The following UNC5D variants were observed in gnomAD, a reference collection of about 807,000 sequenced individuals.
The protein encoded by UNC5D is unc-5 netrin receptor D.
A neutral mutation model predicts 105.4 loss-of-function variants in UNC5D; 39 were observed. That is an observed-to-expected ratio of 0.37 (90% CI 0.29 to 0.48). UNC5D has a LOEUF of 0.48. UNC5D is among the 20% of genes least tolerant of loss of function. The probability of loss-of-function intolerance (pLI) is 0.98; values close to 1 mark genes in which losing one functional copy is unlikely to be tolerated. For missense variants in UNC5D, 991 were observed against 1,202.4 expected (o/e 0.82, Z 2.60); for synonymous variants, 452 against 450.4 (o/e 1.00, Z -0.04).
At chr8:35,252,468 A>G (rs1803773898) in intron 1 of UNC5D, among the ~76,000 whole-genome samples, 1 of 152,144 alleles carries the variant, frequency 6.6e-6, no homozygotes, top group African/African-American at 2.4e-5. Flanking sequence ...ACTCCTAAAC[A>G]TAGGTTACTT....
intron 13 of UNC5D, among the ~76,000 whole-genome samples, chr8:35,754,277 C>T (rs1830414606): frequency 6.6e-6 from 1 of 152,174 alleles, no homozygotes; most frequent in Non-Finnish European, 1.5e-5. Flanking sequence ...TGGAGCATTT[C>T]TGCAGAAATT....
intron 4 of UNC5D, among the ~76,000 whole-genome samples, chr8:35,682,177 C>T (rs1237529108): frequency 1.3e-5 from 2 of 152,180 alleles, no homozygotes; most frequent in Non-Finnish European, 2.9e-5. Context: ...GTTGGTCAGG[C>T]TGGTTTCCAA....
chr8:35,595,530 C>A, intron 3 of UNC5D, 24 bp from the exon 4 acceptor site: 3 of 1,607,210 alleles, frequency 1.9e-6, no homozygotes, highest in African/African-American at 1.3e-5. Flanking sequence ...AACAAAGTGT[C>A]ACCTATCTCA....
intron 1 of UNC5D, among the ~76,000 whole-genome samples, chr8:35,397,128 A>C (rs1804157194): frequency 6.6e-6 from 1 of 151,046 alleles, no homozygotes; most frequent in Admixed American, 6.6e-5. Context: ...CTGGTCTTGA[A>C]CTCCTGACCT....
chr8:35,345,337 G>GA (rs777977990), intron 1 of UNC5D, among the ~76,000 whole-genome samples: 35 of 151,536 alleles, frequency 2.3e-4, no homozygotes, highest in African/African-American at 4.3e-4. Context: ...CAGAAATGTG[G>GA]AAAAAAAAGT....
intron 1 of UNC5D, among the ~76,000 whole-genome samples, chr8:35,542,538 T>G (rs933024574): frequency 6.6e-6 from 1 of 152,232 alleles, no homozygotes; most frequent in African/African-American, 2.4e-5. Context: ...TATTAACTAC[T>G]TGCCTATTAA....
In UNC5D at chr8:35,761,761, T is replaced by C. The variant is rs138824904; in HGVS notation, c.2313+2292T>C. 5.0e-3 allele frequency among the ~76,000 whole-genome samples: 758 copies of C among 152,290 alleles called. 3 individuals are homozygous for C. The highest frequency in any genetic ancestry group is 7.0e-3 in the Non-Finnish European group (476 of 68,034). ...ACCAATTTCCTTGCCCTTCTCATCA[T>C]TGAAATCCCTCAGCTTGTGTGAATG... On this transcript the variant is annotated intron_variant, in intron 14 of 16. Transcript: ENST00000404895.
chr8:35,304,477 C>T (rs1211435676), intron 1 of UNC5D, among the ~76,000 whole-genome samples: 1 of 152,004 alleles, frequency 6.6e-6, no homozygotes, highest in African/African-American at 2.4e-5. Flanking sequence ...ATAACTTAAT[C>T]TATGTCAGAC....
chr8:35,709,582 C>T (rs987726145), intron 8 of UNC5D, among the ~76,000 whole-genome samples: 5 of 151,890 alleles, frequency 3.3e-5, no homozygotes, highest in Non-Finnish European at 5.9e-5. Flanking sequence ...CCCAGCTACT[C>T]GGGAGGCTGA....
intron 4 of UNC5D, among the ~76,000 whole-genome samples, chr8:35,642,164 C>A (rs1243332971): frequency 6.6e-6 from 1 of 152,112 alleles, no homozygotes; most frequent in Non-Finnish European, 1.5e-5. Context: ...ATGAAAGCAG[C>A]AAATCTTAAT....
intron 1 of UNC5D, among the ~76,000 whole-genome samples, chr8:35,240,337 A>C (rs1047822071): frequency 2.0e-5 from 3 of 152,178 alleles, no homozygotes; most frequent in African/African-American, 4.8e-5. Flanking sequence ...CCTGTTCCTT[A>C]AAATAATAAA....
intron 10 of UNC5D, among the ~76,000 whole-genome samples, chr8:35,728,488 G>A (rs1049144490): frequency 6.6e-6 from 1 of 152,186 alleles, no homozygotes; most frequent in Admixed American, 6.5e-5. Flanking sequence ...GTTTCTCCTT[G>A]AAATGGGGCA....
chr8:35,280,295 T>C (rs980647171), intron 1 of UNC5D, among the ~76,000 whole-genome samples: 10 of 152,166 alleles, frequency 6.6e-5, no homozygotes, highest in Non-Finnish European at 4.4e-5. Flanking sequence ...CTTTTCTTTA[T>C]TGAGGTGGAT....
At chr8:35,636,399 G>C (rs1220684078) in intron 4 of UNC5D, among the ~76,000 whole-genome samples, 1 of 152,162 alleles carries the variant, frequency 6.6e-6, no homozygotes, top group African/African-American at 2.4e-5. Flanking sequence ...AGGCTATCCT[G>C]TGAATTATGG....
intron 1 of UNC5D, among the ~76,000 whole-genome samples, chr8:35,326,420 C>G (rs145314484): frequency 6.6e-6 from 1 of 152,012 alleles, no homozygotes; most frequent in East Asian, 1.9e-4. Context: ...GTAAAGAAGC[C>G]GAAAATTCAC....
chr8:35,766,520 A>G (rs1026852713), intron 14 of UNC5D, among the ~76,000 whole-genome samples: 1 of 152,224 alleles, frequency 6.6e-6, no homozygotes, highest in Non-Finnish European at 1.5e-5. Flanking sequence ...ATCCTACCCC[A>G]GACCGAAGTA....
intron 1 of UNC5D, among the ~76,000 whole-genome samples, chr8:35,361,101 G>A (rs1801829621): frequency 6.6e-6 from 1 of 152,008 alleles, no homozygotes; most frequent in African/African-American, 2.4e-5. Context: ...TGTGATAATG[G>A]TATGTGGATG....
intron 3 of UNC5D, among the ~76,000 whole-genome samples, chr8:35,575,895 T>G (rs1333445608): frequency 2.0e-5 from 3 of 151,392 alleles, no homozygotes; most frequent in Non-Finnish European, 2.9e-5. Context: ...AAAAAATGAG[T>G]GTTGAAATAC....
At chr8:35,492,508 G>A (rs1811277446) in intron 1 of UNC5D, among the ~76,000 whole-genome samples, 1 of 152,132 alleles carries the variant, frequency 6.6e-6, no homozygotes, top group Non-Finnish European at 1.5e-5. Flanking sequence ...TGACAAATGT[G>A]TAAGGGCAAG....
Sources: gnomAD v4.1 joint callset for allele counts (sites outside exome capture counted in the v4.1 genomes callset) on GRCh38, gnomAD v4.1.1 for gene constraint, MANE v1.5 for transcripts, NCBI Gene and HGNC (gene_info 2026-07-23, HGNC 2026-07-21) for gene names.